The following ZNF469 variants were observed in gnomAD, a reference collection of about 807,000 sequenced individuals.
ZNF469 encodes the protein zinc finger protein 469.
A neutral mutation model predicts 1.0 loss-of-function variants in ZNF469; 1 was observed. The ratio of observed to expected loss-of-function variants is 1.00; its 90% confidence interval spans 0.35 to 4.73. The LOEUF (loss-of-function observed/expected upper bound fraction) is 4.73, where lower values mean the gene tolerates loss of function less well. Among genes scored for constraint, ZNF469 ranks in the 30% most tolerant of loss-of-function variants. The pLI is 0.16. For synonymous variants in ZNF469, 2,703 were observed against 2,363.4 expected, an observed-to-expected ratio of 1.14 and a Z score of -4.17; for missense variants, 6,100 against 5,356.3, an observed-to-expected ratio of 1.14 and a Z score of -4.33.
the ZNF469 span, among the ~76,000 whole-genome samples, chr16:88,106,788 C>T: frequency 6.6e-6 from 1 of 152,280 alleles, no homozygotes; most frequent in Non-Finnish European, 1.5e-5. Context: ...GAGCTCAGCT[C>T]AGCCACCGCC....
At chr16:88,278,633 G>T in the ZNF469 span, among the ~76,000 whole-genome samples, 1 of 134,340 alleles carries the variant, frequency 7.4e-6, no homozygotes, top group Non-Finnish European at 1.7e-5. Context: ...AGATATCAGT[G>T]CACGGTTAGT....
At chr16:88,332,341 C>G in the ZNF469 span, among the ~76,000 whole-genome samples, 2 of 152,322 alleles carry the variant, frequency 1.3e-5, no homozygotes, top group South Asian at 2.1e-4. Context: ...GTGTGGGGAG[C>G]TGGCGCGGGT....
At chr16:88,355,141 G>A in the ZNF469 span, among the ~76,000 whole-genome samples, 1 of 152,168 alleles carries the variant, frequency 6.6e-6, no homozygotes, top group Non-Finnish European at 1.5e-5. Context: ...CCCAGCTGCA[G>A]ACACTCAGCT....
At chr16:88,208,189 C>G in the ZNF469 span, among the ~76,000 whole-genome samples, 4 of 151,808 alleles carry the variant, frequency 2.6e-5, no homozygotes, top group African/African-American at 2.4e-5. Flanking sequence ...CGGTGGGAGC[C>G]CCTTCAAGCC....
the ZNF469 span, among the ~76,000 whole-genome samples, chr16:88,183,985 C>T: frequency 3.3e-5 from 5 of 152,046 alleles, no homozygotes; most frequent in South Asian, 2.1e-4. Context: ...CCAGCCCTTT[C>T]CCAGCTTTCT....
the ZNF469 span, among the ~76,000 whole-genome samples, chr16:88,235,316 G>A: frequency 2.0e-5 from 3 of 152,118 alleles, no homozygotes; most frequent in Non-Finnish European, 4.4e-5. Flanking sequence ...TCATTTCTTT[G>A]GGTTCAGCAG....
chr16:88,266,840 G>C, the ZNF469 span, among the ~76,000 whole-genome samples: 1 of 152,214 alleles, frequency 6.6e-6, no homozygotes, highest in East Asian at 1.9e-4. Context: ...GCAGTGTCGT[G>C]CCCTGAGTAC....
At position 88,427,551 on chromosome 16, in the gene ZNF469, G is replaced by A. The variant is rs534464702; in HGVS notation, c.81G>A (p.Pro27=). ...AGCCCCGCCAAGTTGCCAGCAGCCC[G>A]GGGCACCCCTCCCAGCCGCCACTGG... The part of the protein sequence containing the change: ...DLQPRQVASS[P]GHPSQPPLED... The change falls in exon 3 of 3, where the codon CCG becomes CCA. Residue 27 remains proline, a synonymous_variant. Coordinates refer to ENST00000565624, the MANE Select transcript of ZNF469 (RefSeq NM_001367624.2). The A allele has an allele frequency of 9.0e-5, 139 of 1,536,810 alleles. No individual in the cohort carries two copies. Among genetic ancestry groups the A allele is most frequent in the Non-Finnish European group, 1.1e-4 (127 of 1,146,260 alleles).
chr16:88,185,991 T>A, the ZNF469 span, among the ~76,000 whole-genome samples: 3 of 151,626 alleles, frequency 2.0e-5, no homozygotes, highest in African/African-American at 7.3e-5. Context: ...ACACACACAC[T>A]CACACATTCG....
At chr16:88,158,977 G>T in the ZNF469 span, among the ~76,000 whole-genome samples, 1 of 152,198 alleles carries the variant, frequency 6.6e-6, no homozygotes, top group Non-Finnish European at 1.5e-5. Flanking sequence ...TGCTGGTCCA[G>T]TGGGGCTTCC....
Position 88,437,852 on chromosome 16 carries a change from A to G in ZNF469, c.10382A>G (p.Gln3461Arg). 1 of 1,540,064 alleles carries G rather than the reference A, an allele frequency of 6.5e-7. No individual in the cohort carries two copies. The highest frequency in any genetic ancestry group is 1.4e-5 in the African/African-American group (1 of 72,890). ...RGVRRPGAPGQKARALEGTLP... is the reference protein window; with the variant it reads ...RGVRRPGAPGRKARALEGTLP... ...GTGCGGAGGCCGGGAGCGCCGGGAC[A>G]GAAGGCCCGGGCCCTCGAGGGCACA... Residue 3461 changes from glutamine (Q) to arginine (R), a missense_variant, in exon 3 of 3, where the codon CAG (glutamine) becomes CGG (arginine). Coordinates refer to ENST00000565624, the MANE Select transcript of ZNF469 (RefSeq NM_001367624.2).
At chr16:88,130,115 A>C in the ZNF469 span, among the ~76,000 whole-genome samples, 1 of 152,176 alleles carries the variant, frequency 6.6e-6, no homozygotes, top group Non-Finnish European at 1.5e-5. Context: ...CTCAAGGACC[A>C]TTACCATCGG....
the ZNF469 span, among the ~76,000 whole-genome samples, chr16:88,229,728 G>T: frequency 6.6e-6 from 1 of 152,228 alleles, no homozygotes; most frequent in Non-Finnish European, 1.5e-5. Flanking sequence ...TCACGCGTGT[G>T]GATGTCATGC....
the ZNF469 span, among the ~76,000 whole-genome samples, chr16:88,220,122 C>T: frequency 6.6e-6 from 1 of 152,148 alleles, no homozygotes; most frequent in Non-Finnish European, 1.5e-5. Flanking sequence ...TCTCAGTAAG[C>T]CATGGCCCCA....
rs958260291 is a variant in ZNF469, at chr16:88,437,430, G to T, written c.9960G>T (p.Glu3320Asp). ...SPSPDPWAGG[E>D]PLLQATPVHE... ...CCCCCGACCCCTGGGCCGGCGGGGA[G>T]CCCCTCCTGCAAGCCACCCCGGTGC... Residue 3320 changes from glutamate (E) to aspartate (D), a missense_variant, in exon 3 of 3, where the codon GAG (glutamate) becomes GAT (aspartate). Physicochemically the swap from Glu to Asp is conservative, Grantham distance 45. Transcript: ENST00000565624. The T allele has an allele frequency of 9.6e-5, 146 of 1,521,094 alleles. No homozygotes were observed. The highest frequency in any genetic ancestry group is 1.2e-4 in the Non-Finnish European group (134 of 1,130,948). 94.2% of individuals were successfully genotyped at this position (1,521,094 alleles called of 1,614,324 possible).
chr16:88,239,669 A>T, the ZNF469 span, among the ~76,000 whole-genome samples: 11 of 4,130 alleles, frequency 2.7e-3, no homozygotes, highest in Middle Eastern at 0.1. Context: ...TTTTTTTTGT[A>T]TATATATATA....
the ZNF469 span, among the ~76,000 whole-genome samples, chr16:88,143,581 G>A: frequency 6.6e-6 from 1 of 152,218 alleles, no homozygotes. Context: ...TGCAGCAGGA[G>A]AAGAAAGCCA....
At chr16:88,306,679 A>G in the ZNF469 span, among the ~76,000 whole-genome samples, 2 of 152,164 alleles carry the variant, frequency 1.3e-5, no homozygotes, top group Admixed American at 6.5e-5. Flanking sequence ...CCTCCAGGCC[A>G]GGCGTGGACA....
the ZNF469 span, among the ~76,000 whole-genome samples, chr16:88,281,953 GA>G: frequency 7.9e-5 from 12 of 152,324 alleles, no homozygotes; most frequent in South Asian, 2.5e-3. Flanking sequence ...ATTGTACTGC[GA>G]GATGTTGAGC....
Sources: gnomAD v4.1 joint callset for allele counts (sites outside exome capture counted in the v4.1 genomes callset) on GRCh38, gnomAD v4.1.1 for gene constraint, MANE v1.5 for transcripts, NCBI Gene and HGNC (gene_info 2026-07-23, HGNC 2026-07-21) for gene names.